Variants in WDR27 observed in about 807,000 individuals in gnomAD.
The protein encoded by WDR27 is WD repeat domain 27.
Under a neutral mutation model 114.4 loss-of-function variants are expected in WDR27, and 100 were observed. The ratio of observed to expected loss-of-function variants is 0.87; its 90% CI spans 0.74 to 1.03. WDR27 has a LOEUF of 1.03. Ranked by LOEUF, WDR27 falls within the 50% of genes least tolerant of loss-of-function variation. The pLI, the probability that WDR27 is intolerant of heterozygous loss-of-function variation, is 0.00. For synonymous variants in WDR27, 449 were observed against 423.1 expected, an observed-to-expected ratio of 1.06 and a Z score of -0.75; for missense variants, 1,129 against 1,092.9, an observed-to-expected ratio of 1.03 and a Z score of -0.47.
At chr6:169,454,224 T>C (rs1295972461), downstream of WDR27, among the ~76,000 whole-genome samples, 1 of 152,210 alleles carries the variant, frequency 6.6e-6, no homozygotes, top group African/African-American at 2.4e-5. Flanking sequence ...GTGAGCTATA[T>C]GAAATTGCTA....
At chr6:169,455,506 T>C (rs1784313113), downstream of WDR27, among the ~76,000 whole-genome samples, 1 of 152,228 alleles carries the variant, frequency 6.6e-6, no homozygotes, top group South Asian at 2.1e-4. Flanking sequence ...ATAGTACAGA[T>C]AAAAAATAAA....
At chr6:169,614,518 T>C (rs1377906340) in intron 21 of WDR27, among the ~76,000 whole-genome samples, 1 of 151,824 alleles carries the variant, frequency 6.6e-6, no homozygotes, top group East Asian at 1.9e-4. Context: ...TGAAATCCCG[T>C]CTCTATAAAA....
intron 21 of WDR27, among the ~76,000 whole-genome samples, chr6:169,618,432 A>G (rs1457561029): frequency 6.6e-6 from 1 of 152,100 alleles, no homozygotes; most frequent in East Asian, 1.9e-4. Context: ...ATGCATTTTC[A>G]TTTTTTAAAT....
chr6:169,671,078 A>C (rs1259230915), intron 3 of WDR27: 2 of 160,900 alleles, frequency 1.2e-5, no homozygotes, highest in South Asian at 3.6e-4. Flanking sequence ...AAGGAGTAGG[A>C]GCCTATCCAA....
chr6:169,689,029 CAT>C lies in WDR27; in HGVS notation c.-7-19_-7-18del. On this transcript the variant is annotated intron_variant, in intron 1 of 25. Coordinates refer to ENST00000448612, the MANE Select transcript of WDR27 (RefSeq NM_182552.5). Reference sequence around the variant, plus strand: ...ATCTTCAATCTGAAAACAAAAAGTACATATAAGATGACTATAGGTATCATATT... The same window carrying C: ...ATCTTCAATCTGAAAACAAAAAGTACATAAGATGACTATAGGTATCATATT... The C allele has an allele frequency of 1.3e-6, 2 of 1,580,102 alleles. No homozygotes were observed. Among genetic ancestry groups the C allele is most frequent in the South Asian group, 2.3e-5 (2 of 86,596 alleles).
intron 25 of WDR27, among the ~76,000 whole-genome samples, chr6:169,473,340 G>C (rs886303677): frequency 6.6e-6 from 1 of 152,170 alleles, no homozygotes. Flanking sequence ...CTCAGTTTCG[G>C]TTTCCTGTGG....
At chr6:169,641,461 TGATGA>T (rs1819148172) in intron 17 of WDR27, among the ~76,000 whole-genome samples, 1 of 151,990 alleles carries the variant, frequency 6.6e-6, no homozygotes, top group Non-Finnish European at 1.5e-5. Flanking sequence ...GTGGTGAGTG[TGATGA>T]GATGAGAAGC....
chr6:169,700,533 CTT>C (rs561593808), intron 1 of WDR27, among the ~76,000 whole-genome samples: 86 of 152,358 alleles, frequency 5.6e-4, no homozygotes, highest in Middle Eastern at 3.4e-3. Context: ...CACTGCCTCT[CTT>C]CTTTCCCCAC....
chr6:169,688,911 GAC>G lies in WDR27; in HGVS notation c.93_94del (p.His33CysfsTer18), dbSNP rs752114217. The G allele has an allele frequency of 1.2e-6, 2 of 1,613,936 alleles. No homozygotes were observed. Among genetic ancestry groups the G allele is most frequent in the Middle Eastern group, 1.6e-4 (1 of 6,062 alleles). On this transcript the variant is annotated frameshift_variant, in exon 2 of 26. Coordinates refer to ENST00000448612, the MANE Select transcript of WDR27 (RefSeq NM_182552.5). LOFTEE classifies it high-confidence loss of function. ...CATGCTGCAAGCAAGCTGAACATGA[GAC>G]ACAGACTCCTTGGATTCAACCAGGT...
At chr6:169,480,195 A>T (rs532716667) in intron 25 of WDR27, among the ~76,000 whole-genome samples, 2 of 152,282 alleles carry the variant, frequency 1.3e-5, no homozygotes, top group Admixed American at 1.3e-4. Flanking sequence ...GCACCTGTGG[A>T]AGGTGCGCCA....
chr6:169,575,616 C>T (rs1055941907), intron 24 of WDR27, among the ~76,000 whole-genome samples: 1 of 152,184 alleles, frequency 6.6e-6, no homozygotes, highest in African/African-American at 2.4e-5. Flanking sequence ...TCCTCAATAA[C>T]GCAGCCCGCT....
chr6:169,520,773 A>C lies in WDR27; in HGVS notation c.2645+51646T>G, dbSNP rs569202566. 4.7e-4 allele frequency among the ~76,000 whole-genome samples: 71 copies of C among 152,290 alleles called. 2 individuals carry two copies. In the South Asian group the frequency reaches 0.014, roughly 30 times the overall value. On this transcript the variant is annotated intron_variant, in intron 25 of 25. Transcript: ENST00000448612. ...AATCATGAGAGGCTCTCAACAGTAG[A>C]ATGGATCAAGCAGAGGAAAGAATCA... is the stretch of plus-strand genomic sequence containing the variant.
At chr6:169,685,609 C>G (rs369698917) in intron 2 of WDR27, among the ~76,000 whole-genome samples, 115 of 152,198 alleles carry the variant, frequency 7.6e-4, no homozygotes, top group South Asian at 3.9e-3. Context: ...AACTAGGCTT[C>G]ATCACGCTGA....
At chr6:169,485,740 A>G (rs971795961) in intron 25 of WDR27, among the ~76,000 whole-genome samples, 1 of 152,236 alleles carries the variant, frequency 6.6e-6, no homozygotes, top group Non-Finnish European at 1.5e-5. Flanking sequence ...TCACAATAGC[A>G]AAGATATGGA....
chr6:169,512,157 C>T (rs1792987979), intron 25 of WDR27, among the ~76,000 whole-genome samples: 1 of 152,158 alleles, frequency 6.6e-6, no homozygotes, highest in South Asian at 2.1e-4. Flanking sequence ...GATTGCCCTA[C>T]AAATTGTAAT....
At chr6:169,427,961 G>C in the WDR27 span, among the ~76,000 whole-genome samples, 1 of 152,156 alleles carries the variant, frequency 6.6e-6, no homozygotes, top group African/African-American at 2.4e-5. Context: ...CTTTCAGCGG[G>C]AGGGGAGGAG....
At chr6:169,690,944 G>A (rs954713978) in intron 1 of WDR27, among the ~76,000 whole-genome samples, 23 of 152,154 alleles carry the variant, frequency 1.5e-4, no homozygotes, top group Non-Finnish European at 2.4e-4. Flanking sequence ...GGCCGGGCAC[G>A]GTCGCTCACG....
intron 25 of WDR27, among the ~76,000 whole-genome samples, chr6:169,487,158 C>T (rs2115416558): frequency 6.6e-6 from 1 of 152,318 alleles, no homozygotes; most frequent in Non-Finnish European, 1.5e-5. Context: ...CCAATAACAG[C>T]ATCCTCTTCG....
the WDR27 span, among the ~76,000 whole-genome samples, chr6:169,435,149 G>A: frequency 6.6e-6 from 1 of 152,352 alleles, no homozygotes; most frequent in East Asian, 1.9e-4. Context: ...TTGAACCTGA[G>A]GGTGCACAGA....
Sources: gnomAD v4.1 joint callset for allele counts (sites outside exome capture counted in the v4.1 genomes callset) on GRCh38, gnomAD v4.1.1 for gene constraint, MANE v1.5 for transcripts, NCBI Gene and HGNC (gene_info 2026-07-23, HGNC 2026-07-21) for gene names.